Variants in FAM161A observed in about 807,000 individuals in gnomAD.
The protein encoded by FAM161A is protein FAM161A.
Under a neutral mutation model 70.9 loss-of-function variants are expected in FAM161A, and 57 were observed. The observed-to-expected ratio is 0.80, with a 90% confidence interval of 0.65 to 1.00. FAM161A has a LOEUF of 1.00. Ranked by LOEUF, FAM161A falls within the 50% of genes least tolerant of loss-of-function variation. The pLI, the probability that FAM161A is intolerant of heterozygous loss-of-function variation, is 0.00. For synonymous variants in FAM161A, 299 were observed against 295.7 expected (o/e 1.01, Z -0.12); for missense variants, 880 against 836.0 (o/e 1.05, Z -0.65).
intron 3 of FAM161A, 32 bp downstream of exon 3, chr2:61,839,389 G>GA (rs202003151): frequency 0.011 from 17,669 of 1,607,634 alleles, 138 homozygotes; most frequent in Middle Eastern, 0.022. Context: ...TGGCAACCAT[G>GA]AGTCAGTCAG....
At chr2:61,807,683 A>G in the FAM161A span, among the ~76,000 whole-genome samples, 1 of 132,394 alleles carries the variant, frequency 7.6e-6, no homozygotes, top group Admixed American at 8.5e-5. Flanking sequence ...CCTGTCACCC[A>G]GGCTGGAGTG....
At chr2:61,831,037 G>A (rs1302801217) in intron 5 of FAM161A, among the ~76,000 whole-genome samples, 7 of 149,542 alleles carry the variant, frequency 4.7e-5, no homozygotes, top group Non-Finnish European at 3.0e-5. Context: ...ACTTGAACCC[G>A]GGAGGCGGAG....
the FAM161A span, among the ~76,000 whole-genome samples, chr2:61,802,144 A>G: frequency 0.061 from 9,346 of 152,280 alleles, 346 homozygotes; most frequent in African/African-American, 0.07. Context: ...CCTAAAAACA[A>G]AAGTACTGCA....
At chr2:61,847,053 T>C (rs975356963) in intron 1 of FAM161A, 3 of 368,286 alleles carry the variant, frequency 8.1e-6, no homozygotes, top group Middle Eastern at 7.9e-4. Flanking sequence ...TCCCAGCTAC[T>C]CGGGAGGCTG....
rs867793928 is a variant in FAM161A, at chr2:61,848,932, A to T, written c.183+4927T>A. On this transcript the variant is annotated intron_variant, in intron 1 of 6. Coordinates refer to ENST00000404929, the MANE Select transcript of FAM161A (RefSeq NM_001201543.2). ...TTTATATATTTATATATATTTATAT[A>T]TATATATTTATATATATTTATATAT... is the stretch of plus-strand genomic sequence containing the variant. Among the ~76,000 whole-genome samples, 11 of 1,128 alleles carry T rather than the reference A, an allele frequency of 9.8e-3. 2 individuals are homozygous for T. The highest frequency in any genetic ancestry group is 0.025 in the South Asian group (1 of 40). 0.7% of individuals were successfully genotyped at this position (1,128 alleles called of 152,430 possible). A position where few individuals can be genotyped will look rare whatever the true frequency, so the allele number is the denominator to read the frequency against.
Position 61,840,372 on chromosome 2 carries a change from T to A in FAM161A, c.632A>T (p.Tyr211Phe). The change falls in exon 3 of 7, where the codon TAT becomes TTT. Residue 211 changes from tyrosine to phenylalanine, a missense_variant. Coordinates refer to ENST00000404929, the MANE Select transcript of FAM161A (RefSeq NM_001201543.2). Reference sequence around the variant, plus strand: ...GAAGCCAGTATCTTTACAGCGAATATAATCCTCAACACAAAAGTCTGTCCA... The same window carrying A: ...GAAGCCAGTATCTTTACAGCGAATAAAATCCTCAACACAAAAGTCTGTCCA... ...NMWTDFCVED[Y>F]IRCKDTGFHA... 6.2e-7 allele frequency: 1 copy of A among 1,614,174 alleles called. No individual in the cohort carries two copies. The highest frequency in any genetic ancestry group is 8.5e-7 in the Non-Finnish European group (1 of 1,180,026).
At chr2:61,808,276 T>TATTA in the FAM161A span, among the ~76,000 whole-genome samples, 7 of 148,556 alleles carry the variant, frequency 4.7e-5, no homozygotes, top group South Asian at 2.1e-4. Flanking sequence ...TTATTATTAT[T>TATTA]TTTTTTTTTT....
At position 61,842,287 on chromosome 2, in the gene FAM161A, G is replaced by C. The variant is rs1222279215; in HGVS notation, c.257C>G (p.Pro86Arg). 1 of 1,611,686 alleles carries C rather than the reference G, an allele frequency of 6.2e-7. No individual in the cohort carries two copies. Residue 86 changes from proline to arginine, a missense_variant, in exon 2 of 7, where the codon CCT (proline) becomes CGT (arginine). Pro to Arg is a moderately radical substitution (Grantham distance 103, BLOSUM62 -2). Coordinates refer to ENST00000404929, the MANE Select transcript of FAM161A (RefSeq NM_001201543.2). ...CTCCTCATTAGAGTGGTGAATATCAGGAAAGTTCACAAAGTCCTCATAGCT... is the reference window on the plus strand; with the variant it reads ...CTCCTCATTAGAGTGGTGAATATCACGAAAGTTCACAAAGTCCTCATAGCT... ...PISYEDFVNFPDIHHSNEEYF... is the reference protein window; with the variant it reads ...PISYEDFVNFRDIHHSNEEYF...
rs779888943 is a variant in FAM161A, at chr2:61,825,706, C to T, written c.*749G>A. The T allele has an allele frequency of 1.9e-5, 8 of 414,676 alleles. No homozygotes were observed. Among genetic ancestry groups the T allele is most frequent in the South Asian group, 7.1e-5 (4 of 56,042 alleles). The allele number at this position is 414,676 out of a possible 1,614,324, so 25.7% of individuals were successfully genotyped here. On this transcript the variant is annotated 3_prime_UTR_variant, in exon 7 of 7. Coordinates refer to ENST00000404929, the MANE Select transcript of FAM161A (RefSeq NM_001201543.2). The stretch of plus-strand genomic sequence containing the variant: ...AAGCTGGAGTGCAGTGGCGCGATCT[C>T]GGCTCACTGCAAGCTCTGCCTCCTG...
At chr2:61,848,850 T>TTA (rs10553053) in intron 1 of FAM161A, among the ~76,000 whole-genome samples, 6 of 7,860 alleles carry the variant, frequency 7.6e-4, no homozygotes, top group African/African-American at 2.8e-3. Context: ...ATATATATAT[T>TTA]TATATATATA....
Position 61,826,374 on chromosome 2 carries a change from G to C in FAM161A, c.*81C>G. ...TGCACATATCAGAAGCGTCCCCACA[G>C]ATGTTCTAAACACAAATGCGGCTGC... On this transcript the variant is annotated 3_prime_UTR_variant, in exon 7 of 7. Transcript: ENST00000404929. 1 of 1,493,218 alleles carries C rather than the reference G, an allele frequency of 6.7e-7. No homozygotes were observed. Among genetic ancestry groups the C allele is most frequent in the Non-Finnish European group, 9.3e-7 (1 of 1,080,660 alleles). The allele number at this position is 1,493,218 out of a possible 1,614,324, so 92.5% of individuals were successfully genotyped here. A position where few individuals can be genotyped will look rare whatever the true frequency, so the allele number is the denominator to read the frequency against.
chr2:61,823,362 C>CATAT (rs59631970), downstream of FAM161A, among the ~76,000 whole-genome samples: 538 of 120,036 alleles, frequency 4.5e-3, 22 homozygotes, highest in African/African-American at 0.014. Context: ...AATTTTCCAT[C>CATAT]ATATATATAT....
At chr2:61,808,887 T>G in the FAM161A span, among the ~76,000 whole-genome samples, 2 of 152,034 alleles carry the variant, frequency 1.3e-5, no homozygotes, top group African/African-American at 2.4e-5. Context: ...TTGACTTTTT[T>G]TTTTGAGACA....
At chr2:61,841,655 C>CTAG (rs535967816) in intron 2 of FAM161A, among the ~76,000 whole-genome samples, 29 of 152,342 alleles carry the variant, frequency 1.9e-4, no homozygotes, top group Admixed American at 1.2e-3. Context: ...GCATCGCTGA[C>CTAG]TGACTAGATG....
chr2:61,818,167 T>C, the FAM161A span, among the ~76,000 whole-genome samples: 3 of 151,444 alleles, frequency 2.0e-5, no homozygotes, highest in Non-Finnish European at 2.9e-5. Context: ...GCAATTCTCC[T>C]GCCTCAGCCT....
chr2:61,812,559 T>C, the FAM161A span, among the ~76,000 whole-genome samples: 6 of 151,122 alleles, frequency 4.0e-5, no homozygotes, highest in African/African-American at 1.5e-4. Context: ...CCGTCTACAC[T>C]AAAAATACAA....
At chr2:61,842,648 T>C (rs1673061248) in intron 1 of FAM161A, among the ~76,000 whole-genome samples, 1 of 152,218 alleles carries the variant, frequency 6.6e-6, no homozygotes. Context: ...AAAGGTATAA[T>C]AGGATAGAAC....
the FAM161A span, among the ~76,000 whole-genome samples, chr2:61,814,664 A>G: frequency 1.3e-5 from 2 of 152,302 alleles, no homozygotes; most frequent in African/African-American, 4.8e-5. Context: ...GCAGTGAGCC[A>G]TGATTGCACC....
At chr2:61,807,289 A>T in the FAM161A span, among the ~76,000 whole-genome samples, 1 of 151,880 alleles carries the variant, frequency 6.6e-6, no homozygotes, top group Admixed American at 6.6e-5. Flanking sequence ...TTGAGCAAAT[A>T]AAGAGGCAGA....
Sources: gnomAD v4.1 joint callset for allele counts (sites outside exome capture counted in the v4.1 genomes callset) on GRCh38, gnomAD v4.1.1 for gene constraint, MANE v1.5 for transcripts, NCBI Gene and HGNC (gene_info 2026-07-23, HGNC 2026-07-21) for gene names.